The following ATP6V1E1 variants were observed in gnomAD, a reference collection of about 807,000 sequenced individuals.
The protein encoded by ATP6V1E1 is ATPase H+ transporting V1 subunit E1.
Under a neutral mutation model 35.2 loss-of-function variants are expected in ATP6V1E1, and 21 were observed. That is an observed-to-expected ratio of 0.60 (90% CI 0.42 to 0.86). The LOEUF (loss-of-function observed/expected upper bound fraction) is 0.86, where lower values mean the gene tolerates loss of function less well. Ranked by LOEUF, ATP6V1E1 falls within the 40% of genes least tolerant of loss-of-function variation. ATP6V1E1 has a pLI of 0.00. For missense variants in ATP6V1E1, 183 were observed against 272.6 expected, an observed-to-expected ratio of 0.67 and a Z score of 2.32; for synonymous variants, 83 against 87.8, an observed-to-expected ratio of 0.95 and a Z score of 0.30.
intron 2 of ATP6V1E1, 34 bp from the exon 3 acceptor site, chr22:17,613,354 A>T: frequency 6.3e-7 from 1 of 1,575,864 alleles, no homozygotes; most frequent in Non-Finnish European, 8.7e-7. Context: ...AATTCATTAC[A>T]TCAAGTTTTG....
intron 3 of ATP6V1E1, 59 bp from the exon 4 acceptor site, chr22:17,612,937 T>C (rs1484459009): frequency 8.0e-6 from 12 of 1,495,214 alleles, no homozygotes; most frequent in Non-Finnish European, 5.5e-6. Context: ...GAGAAAGAAT[T>C]CGAACTCCTG....
chr22:17,606,865 A>C (rs2057789294), intron 4 of ATP6V1E1, among the ~76,000 whole-genome samples: 1 of 152,204 alleles, frequency 6.6e-6, no homozygotes, highest in East Asian at 1.9e-4. Context: ...ACTGTATTAG[A>C]GACCATTTTG....
chr22:17,612,084 G>C (rs2057818328), intron 4 of ATP6V1E1, among the ~76,000 whole-genome samples: 1 of 152,110 alleles, frequency 6.6e-6, no homozygotes, highest in Admixed American at 6.6e-5. Context: ...TTAGTTATAG[G>C]ATCTTATGTT....
At chr22:17,592,867 T>C in intron 8 of ATP6V1E1, 131 bp from the exon 9 acceptor site, 1 of 761,538 alleles carries the variant, frequency 1.3e-6, no homozygotes, top group African/African-American at 1.8e-5. Context: ...CAGTGGCGCA[T>C]CTCCGCTCAT....
At chr22:17,613,675 T>C (rs532990183) in intron 2 of ATP6V1E1, among the ~76,000 whole-genome samples, 2 of 152,226 alleles carry the variant, frequency 1.3e-5, no homozygotes, top group Admixed American at 1.3e-4. Context: ...CTTGAAAGTT[T>C]AGAAGATCCT....
intron 1 of ATP6V1E1, among the ~76,000 whole-genome samples, chr22:17,625,045 G>T (rs2057896911): frequency 6.6e-6 from 1 of 152,062 alleles, no homozygotes; most frequent in East Asian, 1.9e-4. Context: ...AAGAAGCAGT[G>T]AACAGAAGAA....
In ATP6V1E1 at chr22:17,616,775, G is replaced by A. The variant is rs1487904198; in HGVS notation, c.99+2686C>T. On this transcript the variant is annotated intron_variant, in intron 2 of 8. Coordinates refer to ENST00000253413, the MANE Select transcript of ATP6V1E1 (RefSeq NM_001696.4). The stretch of plus-strand genomic sequence containing the variant: ...GAAAGAGTCATACAAGAGGCCAGGC[G>A]CGGTGGCTCAAGCCTGTAATCCCAG... Among the ~76,000 whole-genome samples the A allele has an allele frequency of 6.1e-5, 4 of 65,232 alleles. 1 individual carries two copies. Among genetic ancestry groups the A allele is most frequent in the South Asian group, 6.3e-4 (2 of 3,198 alleles). The allele number at this position is 65,232 out of a possible 152,430, so 42.8% of individuals were successfully genotyped here. A position where few individuals can be genotyped will look rare whatever the true frequency, so the allele number is the denominator to read the frequency against.
intron 2 of ATP6V1E1, among the ~76,000 whole-genome samples, chr22:17,618,174 C>T (rs1260010574): frequency 6.6e-6 from 1 of 152,192 alleles, no homozygotes; most frequent in African/African-American, 2.4e-5. Flanking sequence ...ACACTACAAC[C>T]TTCTCTAGTC....
rs2057939948 is a variant in ATP6V1E1, at chr22:17,628,662, C to G, written c.-27G>C. ...GCGAGAGCAATGCTAGGCCGGTGAA[C>G]AGTAGGCTCGAGTTTAGGTTTGAAA... is the stretch of plus-strand genomic sequence containing the variant. On this transcript the variant is annotated 5_prime_UTR_variant, in exon 1 of 9. Transcript: ENST00000253413. 1 of 1,614,152 alleles carries G rather than the reference C, an allele frequency of 6.2e-7. No homozygotes were observed. The highest frequency in any genetic ancestry group is 8.5e-7 in the Non-Finnish European group (1 of 1,180,020).
chr22:17,609,810 C>G (rs1028915513), intron 4 of ATP6V1E1, among the ~76,000 whole-genome samples: 3 of 152,006 alleles, frequency 2.0e-5, no homozygotes, highest in African/African-American at 7.3e-5. Flanking sequence ...AATTTGAAAA[C>G]CACTGTGTGT....
intron 8 of ATP6V1E1, among the ~76,000 whole-genome samples, chr22:17,594,273 G>C (rs2057720069): frequency 1.3e-5 from 2 of 152,130 alleles, no homozygotes; most frequent in South Asian, 4.1e-4. Flanking sequence ...GAACTTGTCA[G>C]CACCTTACAT....
rs1256822399 is a variant in ATP6V1E1 at position 17,616,975 on chromosome 22, G to A, written c.99+2486C>T. The stretch of plus-strand genomic sequence containing the variant: ...AGGCAGGAGAATGGCGTGAACCCGG[G>A]AGGCGGAGCTTGCAGTGAGCCGAGA... On this transcript the variant is annotated intron_variant, in intron 2 of 8. Coordinates refer to ENST00000253413, the MANE Select transcript of ATP6V1E1 (RefSeq NM_001696.4). 2.4e-5 allele frequency among the ~76,000 whole-genome samples: 2 copies of A among 84,912 alleles called. 1 individual carries two copies. Among genetic ancestry groups the A allele is most frequent in the Non-Finnish European group, 5.3e-5 (2 of 37,526 alleles). The allele number at this position is 84,912 out of a possible 152,430, so 55.7% of individuals were successfully genotyped here. A position where few individuals can be genotyped will look rare whatever the true frequency, so the allele number is the denominator to read the frequency against.
chr22:17,622,283 G>A (rs2057881621), intron 1 of ATP6V1E1, among the ~76,000 whole-genome samples: 1 of 148,188 alleles, frequency 6.7e-6, no homozygotes, highest in Admixed American at 6.7e-5. Context: ...CCAGAACATG[G>A]AACAACCACC....
chr22:17,600,858 GAGT>G (rs1238173214), intron 5 of ATP6V1E1: 7 of 331,752 alleles, frequency 2.1e-5, no homozygotes, highest in Admixed American at 9.6e-5. Context: ...CTACATAATT[GAGT>G]AGTAGGCCTG....
chr22:17,603,757 TC>T, intron 4 of ATP6V1E1, among the ~76,000 whole-genome samples: 1 of 152,284 alleles, frequency 6.6e-6, no homozygotes, highest in Middle Eastern at 3.4e-3. Context: ...AAACTTCTGG[TC>T]CCAAACATTT....
chr22:17,620,551 A>AT (rs1179878257), intron 1 of ATP6V1E1, among the ~76,000 whole-genome samples: 2 of 151,932 alleles, frequency 1.3e-5, no homozygotes, highest in East Asian at 3.9e-4. Context: ...TTTTGGGGCC[A>AT]TACTCTTCCA....
intron 7 of ATP6V1E1, among the ~76,000 whole-genome samples, chr22:17,596,332 C>T (rs377557400): frequency 2.6e-5 from 4 of 152,110 alleles, no homozygotes; most frequent in East Asian, 3.9e-4. Flanking sequence ...GGGCAGATCC[C>T]GAGGCAATGA....
intron 1 of ATP6V1E1, among the ~76,000 whole-genome samples, chr22:17,622,441 A>C (rs547680477): frequency 4.3e-4 from 65 of 152,298 alleles, no homozygotes; most frequent in African/African-American, 1.4e-3. Context: ...ATATAACACA[A>C]GATATCATAA....
intron 4 of ATP6V1E1, among the ~76,000 whole-genome samples, chr22:17,609,464 CTTT>C (rs61116267): frequency 1.1e-5 from 1 of 90,718 alleles, no homozygotes; most frequent in Non-Finnish European, 2.1e-5. Context: ...CCATCCTGCT[CTTT>C]TTTTTTTTTT....
Sources: allele counts gnomAD v4.1 joint callset (sites outside exome capture counted in the v4.1 genomes callset), GRCh38; gene constraint gnomAD v4.1.1; transcripts MANE v1.5; gene names NCBI Gene and HGNC (gene_info 2026-07-23, HGNC 2026-07-21).